The following ARHGEF4 variants were observed in gnomAD, a reference collection of about 807,000 sequenced individuals.
ARHGEF4 encodes APC-stimulated guanine nucleotide exchange factor 1.
ARHGEF4 carries 119 observed loss-of-function variants against 162.0 expected under a neutral mutation model. That is an observed-to-expected ratio of 0.73 (90% confidence interval 0.63 to 0.86). ARHGEF4 has a LOEUF of 0.86. ARHGEF4 is among the 40% of genes least tolerant of loss of function. ARHGEF4 has a pLI of 0.00. For synonymous variants in ARHGEF4, 1,014 were observed against 979.9 expected, an observed-to-expected ratio of 1.03 and a Z score of -0.65; for missense variants, 2,488 against 2,456.0, an observed-to-expected ratio of 1.01 and a Z score of -0.28.
intron 1 of ARHGEF4, among the ~76,000 whole-genome samples, chr2:130,905,461 C>T (rs1680761004): frequency 6.6e-6 from 1 of 152,200 alleles, no homozygotes; most frequent in Non-Finnish European, 1.5e-5. Context: ...TACATCTTCC[C>T]TACAGGAACT....
intron 4 of ARHGEF4, among the ~76,000 whole-genome samples, chr2:130,962,031 G>A (rs1013430859): frequency 1.3e-5 from 2 of 152,146 alleles, no homozygotes; most frequent in Non-Finnish European, 2.9e-5. Context: ...ACGAGGTCAG[G>A]AGATCAAGAC....
intron 1 of ARHGEF4, among the ~76,000 whole-genome samples, chr2:130,890,363 A>C (rs1679789879): frequency 6.6e-6 from 1 of 152,222 alleles, no homozygotes; most frequent in African/African-American, 2.4e-5. Context: ...GGAATTCAAG[A>C]CCAGCCTGAC....
chr2:130,870,798 G>A (rs991709209), intron 1 of ARHGEF4, among the ~76,000 whole-genome samples: 2 of 152,108 alleles, frequency 1.3e-5, no homozygotes, highest in Non-Finnish European at 2.9e-5. Context: ...GGGGGTTGGC[G>A]GTGGTGGCAG....
intron 1 of ARHGEF4, among the ~76,000 whole-genome samples, chr2:130,884,693 T>C (rs2104969682): frequency 6.6e-6 from 1 of 152,162 alleles, no homozygotes; most frequent in Admixed American, 6.5e-5. Context: ...TACAAAGCAA[T>C]ATATGGAACT....
chr2:130,972,329 A>G (rs1685421493), intron 4 of ARHGEF4, among the ~76,000 whole-genome samples: 1 of 152,216 alleles, frequency 6.6e-6, no homozygotes, highest in Non-Finnish European at 1.5e-5. Flanking sequence ...AGTTAAAGAT[A>G]CCTTGAAAGA....
At chr2:130,905,488 C>T (rs921256807) in intron 1 of ARHGEF4, among the ~76,000 whole-genome samples, 30 of 152,178 alleles carry the variant, frequency 2.0e-4, no homozygotes, top group Admixed American at 1.3e-4. Context: ...GTGGAGTTCT[C>T]ATGGTGATTC....
intron 1 of ARHGEF4, among the ~76,000 whole-genome samples, chr2:130,901,641 C>T (rs1019438196): frequency 3.3e-5 from 5 of 152,054 alleles, no homozygotes; most frequent in African/African-American, 1.2e-4. Flanking sequence ...TTGCCTTAGC[C>T]TCCCAAGCAG....
rs373292738 is a variant in ARHGEF4 at position 131,039,928 on chromosome 2, C to G, written c.4306-88C>G. 3.6e-3 allele frequency: 5,346 copies of G among 1,493,450 alleles called. 20 individuals are homozygous for G. The highest frequency in any genetic ancestry group is 4.4e-3 in the South Asian group (329 of 74,822). 92.5% of individuals were successfully genotyped at this position (1,493,450 alleles called of 1,614,324 possible). On this transcript the variant is annotated intron_variant, in intron 6 of 13. Transcript: ENST00000409359. ...CGCCCCGTACACCCTGCGGGGCCTC[C>G]GAGGCCCGGTTCCCGCCGCTGCGGC...
intron 1 of ARHGEF4, among the ~76,000 whole-genome samples, chr2:130,872,306 T>C (rs556956289): frequency 4.6e-5 from 7 of 152,304 alleles, no homozygotes; most frequent in South Asian, 4.2e-4. Flanking sequence ...TCCTGATCCC[T>C]GTTGCAAAGC....
intron 1 of ARHGEF4, among the ~76,000 whole-genome samples, chr2:130,870,177 G>A (rs1036865595): frequency 6.6e-6 from 1 of 152,172 alleles, no homozygotes; most frequent in Non-Finnish European, 1.5e-5. Flanking sequence ...TCTTCCATGG[G>A]TATTGTTGCT....
intron 4 of ARHGEF4, among the ~76,000 whole-genome samples, chr2:130,965,700 C>T (rs1015221937): frequency 1.3e-5 from 2 of 152,178 alleles, no homozygotes; most frequent in Non-Finnish European, 2.9e-5. Context: ...TTCCTTCTGT[C>T]CCAGGGTAAG....
chr2:130,927,178 T>C (rs1428250075), intron 2 of ARHGEF4, among the ~76,000 whole-genome samples: 1 of 152,106 alleles, frequency 6.6e-6, no homozygotes, highest in African/African-American at 2.4e-5. Flanking sequence ...TCCAAGATGG[T>C]GATACTCCTG....
chr2:130,951,119 G>T (rs542310000), intron 4 of ARHGEF4, among the ~76,000 whole-genome samples: 72 of 152,336 alleles, frequency 4.7e-4, no homozygotes, highest in African/African-American at 1.7e-3. Flanking sequence ...TTAAAGGAGT[G>T]TTGTGGCTGA....
chr2:131,036,628 G>C (rs1271337576), intron 5 of ARHGEF4, among the ~76,000 whole-genome samples: 4 of 152,326 alleles, frequency 2.6e-5, no homozygotes, highest in African/African-American at 9.6e-5. Flanking sequence ...GCAGCATAAA[G>C]GAAAGGGGAA....
chr2:130,985,767 TTGCA>T (rs1686439397), intron 4 of ARHGEF4, among the ~76,000 whole-genome samples: 1 of 151,978 alleles, frequency 6.6e-6, no homozygotes, highest in African/African-American at 2.4e-5. Context: ...TGTGTGTGTT[TTGCA>T]TGCATGATAT....
intron 5 of ARHGEF4, among the ~76,000 whole-genome samples, chr2:131,032,842 TTTTTTC>T (rs1216100013): frequency 1.6e-5 from 2 of 122,070 alleles, no homozygotes; most frequent in Admixed American, 1.5e-4. Context: ...TTTTCTTTTC[TTTTTTC>T]TTTTTTTTTT....
intron 4 of ARHGEF4, among the ~76,000 whole-genome samples, chr2:130,954,953 G>A (rs1684178902): frequency 7.9e-6 from 1 of 125,990 alleles, no homozygotes; most frequent in Admixed American, 9.4e-5. Flanking sequence ...ACTTCTCTGA[G>A]GCTTTGTTCA....
At chr2:131,000,829 G>A (rs1230370357) in intron 4 of ARHGEF4, among the ~76,000 whole-genome samples, 1 of 152,092 alleles carries the variant, frequency 6.6e-6, no homozygotes, top group Non-Finnish European at 1.5e-5. Flanking sequence ...TATTATAAAG[G>A]AAAAGATTAA....
chr2:130,974,700 A>C (rs1294430843), intron 4 of ARHGEF4, among the ~76,000 whole-genome samples: 1 of 151,644 alleles, frequency 6.6e-6, no homozygotes, highest in Non-Finnish European at 1.5e-5. Context: ...GAGCTCAAGC[A>C]ATCCACCCGC....
Sources: allele counts gnomAD v4.1 joint callset (sites outside exome capture counted in the v4.1 genomes callset), GRCh38; gene constraint gnomAD v4.1.1; transcripts MANE v1.5; gene names NCBI Gene and HGNC (gene_info 2026-07-23, HGNC 2026-07-21).